Variants in NBEA observed in about 807,000 individuals in gnomAD.
NBEA encodes lysosomal-trafficking regulator 2.
Under a neutral mutation model 343.4 loss-of-function variants are expected in NBEA, and 44 were observed. That is an observed-to-expected ratio of 0.13 (90% CI 0.10 to 0.16). The LOEUF (loss-of-function observed/expected upper bound fraction) is 0.16. NBEA is among the 10% of genes least tolerant of loss of function. NBEA has a pLI of 1.00. For synonymous variants in NBEA, 1,175 were observed against 1,238.7 expected, an observed-to-expected ratio of 0.95 and a Z score of 1.08; for missense variants, 2,555 against 3,631.3, an observed-to-expected ratio of 0.70 and a Z score of 7.62.
intron 33 of NBEA, among the ~76,000 whole-genome samples, chr13:35,223,003 T>C (rs1164982194): frequency 1.3e-5 from 2 of 152,042 alleles, no homozygotes; most frequent in African/African-American, 4.8e-5. Flanking sequence ...TGGTGGCATG[T>C]GCCTGTAATC....
rs1461219872 is a variant in NBEA, at chr13:35,445,783, TA to T, written c.6305-6308del. On this transcript the variant is annotated intron_variant, in intron 39 of 58. Transcript: ENST00000379939. ...GACTTAATTCTAAGATATAAATGTT[TA>T]TATATATATATATATATATATATAT... Among the ~76,000 whole-genome samples, 15 of 3,488 alleles carry T rather than the reference TA, an allele frequency of 4.3e-3. 1 individual carries two copies. Among genetic ancestry groups the T allele is most frequent in the African/African-American group, 0.015 (9 of 610 alleles). The allele number at this position is 3,488 out of a possible 152,430, so 2.3% of individuals were successfully genotyped here.
chr13:35,138,341 G>A (rs1389656363), intron 17 of NBEA, among the ~76,000 whole-genome samples: 1 of 151,458 alleles, frequency 6.6e-6, no homozygotes, highest in Non-Finnish European at 1.5e-5. Context: ...TTTATCCTAA[G>A]GAAATAACCA....
intron 1 of NBEA, among the ~76,000 whole-genome samples, chr13:34,946,299 G>T (rs533792635): frequency 6.6e-6 from 1 of 152,194 alleles, no homozygotes; most frequent in African/African-American, 2.4e-5. Flanking sequence ...TGTAAAACTG[G>T]CGTACTACCT....
At chr13:35,651,501 T>C (rs2084521133) in intron 52 of NBEA, among the ~76,000 whole-genome samples, 1 of 152,150 alleles carries the variant, frequency 6.6e-6, no homozygotes, top group African/African-American at 2.4e-5. Context: ...CATTGATTGC[T>C]CATGACCTTA....
chr13:35,474,989 T>C, intron 41 of NBEA: 1 of 1,489,016 alleles, frequency 6.7e-7, no homozygotes, highest in Non-Finnish European at 9.1e-7. Flanking sequence ...TATTAGGAAT[T>C]GAACAGAAGT....
At chr13:35,084,508 T>G (rs1464614394) in intron 10 of NBEA, among the ~76,000 whole-genome samples, 2 of 152,050 alleles carry the variant, frequency 1.3e-5, no homozygotes, top group Admixed American at 1.3e-4. Flanking sequence ...AACGAAGGTA[T>G]AAATAAAAAT....
intron 13 of NBEA, among the ~76,000 whole-genome samples, chr13:35,113,242 A>C (rs926634164): frequency 6.6e-6 from 1 of 152,126 alleles, no homozygotes; most frequent in African/African-American, 2.4e-5. Context: ...CACAGAAGTC[A>C]TATTGTATCT....
intron 1 of NBEA, among the ~76,000 whole-genome samples, chr13:34,961,487 C>T (rs990426209): frequency 6.6e-6 from 1 of 152,092 alleles, no homozygotes; most frequent in East Asian, 1.9e-4. Flanking sequence ...CTCCTGCACG[C>T]ACCCCCATAT....
intron 35 of NBEA, among the ~76,000 whole-genome samples, chr13:35,300,023 A>G (rs1053147997): frequency 5.3e-5 from 8 of 152,212 alleles, no homozygotes; most frequent in Non-Finnish European, 1.0e-4. Context: ...CTCAGCATCC[A>G]CAACAAACAA....
intron 41 of NBEA, among the ~76,000 whole-genome samples, chr13:35,500,956 A>T (rs1275113069): frequency 6.6e-6 from 1 of 152,050 alleles, no homozygotes; most frequent in African/African-American, 2.4e-5. Flanking sequence ...GTTTAAAGAA[A>T]ATGACCTGTT....
chr13:35,453,603 T>G (rs1047404648), intron 40 of NBEA, among the ~76,000 whole-genome samples: 10 of 152,206 alleles, frequency 6.6e-5, no homozygotes, highest in Admixed American at 6.5e-4. Flanking sequence ...TTTCTGACCC[T>G]TTTAGATTAT....
chr13:35,011,536 T>A (rs2061494206), intron 1 of NBEA, among the ~76,000 whole-genome samples: 1 of 152,216 alleles, frequency 6.6e-6, no homozygotes, highest in South Asian at 2.1e-4. Context: ...GAATTATTAA[T>A]GTTAGTGCAT....
At chr13:35,548,618 T>C (rs1267762806) in intron 41 of NBEA, among the ~76,000 whole-genome samples, 2 of 152,200 alleles carry the variant, frequency 1.3e-5, no homozygotes, top group Non-Finnish European at 2.9e-5. Context: ...GTATTTTTAG[T>C]ACCTTAGTGA....
chr13:35,078,091 G>A (rs1355385796), intron 10 of NBEA, among the ~76,000 whole-genome samples: 3 of 152,088 alleles, frequency 2.0e-5, no homozygotes, highest in East Asian at 3.9e-4. Flanking sequence ...GTTTCTGTGC[G>A]CTTAAATCTG....
intron 18 of NBEA, among the ~76,000 whole-genome samples, chr13:35,155,157 A>AG (rs2069078691): frequency 6.7e-6 from 1 of 150,182 alleles, no homozygotes; most frequent in South Asian, 2.1e-4. Flanking sequence ...AAAAAAAAAA[A>AG]GTAGTTCATA....
In NBEA at chr13:35,059,542, G is replaced by A. The variant is rs113005864; in HGVS notation, c.1239+679G>A. Among the ~76,000 whole-genome samples the A allele has an allele frequency of 2.0e-3, 308 of 151,848 alleles. 1 individual carries two copies. Among genetic ancestry groups the A allele is most frequent in the African/African-American group, 6.6e-3 (272 of 41,476 alleles). On this transcript the variant is annotated intron_variant, in intron 8 of 58. Transcript: ENST00000379939. ...GAATTGTAAAGTCTCAAACTACTTC[G>A]AGCTGAAAGAGAATTACACATTATA... is the stretch of plus-strand genomic sequence containing the variant.
At chr13:35,668,823 C>T (rs1330371821) in intron 58 of NBEA, among the ~76,000 whole-genome samples, 1 of 152,200 alleles carries the variant, frequency 6.6e-6, no homozygotes, top group African/African-American at 2.4e-5. Context: ...CCTGCCTAGT[C>T]TCAGACAGGC....
At chr13:35,629,000 C>A (rs1044077348) in intron 49 of NBEA, among the ~76,000 whole-genome samples, 7 of 152,128 alleles carry the variant, frequency 4.6e-5, no homozygotes, top group African/African-American at 1.7e-4. Flanking sequence ...GAAATAGATG[C>A]AGTTATGCTA....
intron 36 of NBEA, among the ~76,000 whole-genome samples, chr13:35,331,265 C>T (rs1222237460): frequency 2.6e-5 from 4 of 151,928 alleles, no homozygotes; most frequent in Admixed American, 6.6e-5. Context: ...ATTAAATCCC[C>T]AATCAAAGTC....
Sources: allele counts gnomAD v4.1 joint callset (sites outside exome capture counted in the v4.1 genomes callset), GRCh38; gene constraint gnomAD v4.1.1; transcripts MANE v1.5; gene names NCBI Gene and HGNC (gene_info 2026-07-23, HGNC 2026-07-21).